The following RERE variants were observed in gnomAD, a reference collection of about 807,000 sequenced individuals.
The protein encoded by RERE is arginine-glutamic acid dipeptide repeats.
RERE carries 40 observed loss-of-function variants against 146.1 expected under a neutral mutation model. The observed-to-expected ratio is 0.27, with a 90% confidence interval of 0.21 to 0.36. The LOEUF is 0.36. RERE is among the 10% of genes least tolerant of loss of function. The probability of loss-of-function intolerance (pLI) is 1.00; values close to 1 mark genes in which losing one functional copy is unlikely to be tolerated. For missense variants in RERE, 1,933 were observed against 2,138.7 expected (o/e 0.90, Z 1.90); for synonymous variants, 1,003 against 866.0 (o/e 1.16, Z -2.78).
intron 6 of RERE, among the ~76,000 whole-genome samples, chr1:8,552,841 T>C (rs537126180): frequency 3.2e-4 from 49 of 151,848 alleles, no homozygotes; most frequent in South Asian, 1.2e-3. Flanking sequence ...GGGAAGTGCG[T>C]CCACACACAC....
intron 4 of RERE, among the ~76,000 whole-genome samples, chr1:8,578,136 G>A (rs1432988648): frequency 6.6e-6 from 1 of 151,880 alleles, no homozygotes; most frequent in Non-Finnish European, 1.5e-5. Context: ...TCATTAATAA[G>A]GTGTAACTGA....
At chr1:8,545,980 G>GTTTTTTT (rs1480930167) in intron 6 of RERE, among the ~76,000 whole-genome samples, 2 of 75,374 alleles carry the variant, frequency 2.7e-5, no homozygotes, top group Non-Finnish European at 4.9e-5. Flanking sequence ...ACCATACCCA[G>GTTTTTTT]TCTTTTTTTT....
At chr1:8,702,842 T>G (rs780214225) in intron 1 of RERE, among the ~76,000 whole-genome samples, 3 of 152,170 alleles carry the variant, frequency 2.0e-5, no homozygotes. Context: ...ACTTAAAAAC[T>G]AGTGAGCCCA....
In RERE at chr1:8,352,792, G is replaced by A. The variant is rs534461385; in HGVS notation, c.*2295C>T. 1.3e-5 allele frequency: 2 copies of A among 152,400 alleles called. No homozygotes were observed. Among genetic ancestry groups the A allele is most frequent in the Non-Finnish European group, 2.9e-5 (2 of 68,034 alleles). 9.4% of individuals were successfully genotyped at this position (152,400 alleles called of 1,614,324 possible). ...TTATCTGGTGAGGGTTTCGGGTCGA[G>A]GGTTTTTTAGATGGAAGAATCTCAG... On this transcript the variant is annotated 3_prime_UTR_variant, in exon 23 of 23. Coordinates refer to ENST00000400908, the MANE Select transcript of RERE (RefSeq NM_001042681.2).
At chr1:8,488,825 A>G (rs1208039979) in intron 10 of RERE, among the ~76,000 whole-genome samples, 2 of 152,206 alleles carry the variant, frequency 1.3e-5, no homozygotes, top group African/African-American at 2.4e-5. Flanking sequence ...TCCAACCAAT[A>G]TTGTTCAAAC....
intron 1 of RERE, among the ~76,000 whole-genome samples, chr1:8,806,314 C>T (rs1421847945): frequency 1.3e-5 from 2 of 152,122 alleles, no homozygotes; most frequent in Non-Finnish European, 2.9e-5. Context: ...GGCAGATCAC[C>T]GGAGGTCAGG....
intron 10 of RERE, among the ~76,000 whole-genome samples, chr1:8,482,681 CAAAAAAAAAAAAA>C (rs35501735): frequency 0.025 from 1,256 of 51,262 alleles, 25 homozygotes; most frequent in African/African-American, 0.06. Flanking sequence ...GATTCTGTTG[CAAAAAAAAAAAAA>C]AAAAAAAAAA....
intron 12 of RERE, among the ~76,000 whole-genome samples, chr1:8,413,252 C>A (rs1044559707): frequency 1.3e-5 from 2 of 152,148 alleles, no homozygotes; most frequent in African/African-American, 4.8e-5. Flanking sequence ...TACATATATG[C>A]ATTCATGCAC....
chr1:8,676,232 C>G (rs752697061), intron 1 of RERE, among the ~76,000 whole-genome samples: 2 of 152,134 alleles, frequency 1.3e-5, no homozygotes, highest in African/African-American at 2.4e-5. Context: ...ACAAATCTTA[C>G]AATTTAACTG....
chr1:8,448,573 A>G (rs140049163), intron 11 of RERE, among the ~76,000 whole-genome samples: 2 of 152,202 alleles, frequency 1.3e-5, no homozygotes, highest in Non-Finnish European at 2.9e-5. Flanking sequence ...CCTGGCCAAC[A>G]TGGTGAAACT....
intron 12 of RERE, among the ~76,000 whole-genome samples, chr1:8,403,803 A>G (rs1261587965): frequency 1.6e-5 from 1 of 62,458 alleles, no homozygotes; most frequent in East Asian, 4.6e-4. Flanking sequence ...TTCTTTTTCT[A>G]TTTTTCTTAA....
chr1:8,503,613 A>C (rs1489525858), intron 8 of RERE, among the ~76,000 whole-genome samples: 1 of 152,218 alleles, frequency 6.6e-6, no homozygotes, highest in Admixed American at 6.5e-5. Context: ...CTGTTAAAAG[A>C]AAGGTAGCAA....
At chr1:8,739,301 C>T (rs957053850) in intron 1 of RERE, among the ~76,000 whole-genome samples, 5 of 152,180 alleles carry the variant, frequency 3.3e-5, no homozygotes, top group African/African-American at 1.2e-4. Flanking sequence ...CTGGAGGGGG[C>T]TCATACCTGA....
intron 4 of RERE, among the ~76,000 whole-genome samples, chr1:8,577,585 T>C (rs933341470): frequency 1.3e-5 from 2 of 152,216 alleles, no homozygotes; most frequent in Non-Finnish European, 1.5e-5. Flanking sequence ...CCCATACTCA[T>C]CATGCTGACA....
intron 2 of RERE, among the ~76,000 whole-genome samples, chr1:8,650,118 T>C (rs1048379428): frequency 6.6e-6 from 1 of 151,928 alleles, no homozygotes; most frequent in Admixed American, 6.6e-5. Context: ...AAGGACAAAA[T>C]TAAGGTAATC....
At chr1:8,486,729 C>T (rs1488179796) in intron 10 of RERE, among the ~76,000 whole-genome samples, 5 of 137,324 alleles carry the variant, frequency 3.6e-5, no homozygotes, top group Non-Finnish European at 7.7e-5. Flanking sequence ...AACAAATTAC[C>T]AGCCTTGGCA....
At chr1:8,437,275 T>C (rs543453078) in intron 11 of RERE, among the ~76,000 whole-genome samples, 1 of 152,154 alleles carries the variant, frequency 6.6e-6, no homozygotes, top group Admixed American at 6.5e-5. Flanking sequence ...ACTGGGTTCC[T>C]CATTTGACTC....
chr1:8,480,796 G>T (rs1158098306), intron 10 of RERE, among the ~76,000 whole-genome samples: 1 of 152,124 alleles, frequency 6.6e-6, no homozygotes, highest in African/African-American at 2.4e-5. Flanking sequence ...TGAAGACATT[G>T]TGTTATTAAT....
At chr1:8,692,708 A>G (rs984286942) in intron 1 of RERE, among the ~76,000 whole-genome samples, 4 of 152,252 alleles carry the variant, frequency 2.6e-5, no homozygotes, top group South Asian at 4.2e-4. Context: ...TATAAACGCT[A>G]TATTTTTTAA....
Sources: gnomAD v4.1 joint callset for allele counts (sites outside exome capture counted in the v4.1 genomes callset) on GRCh38, gnomAD v4.1.1 for gene constraint, MANE v1.5 for transcripts, NCBI Gene and HGNC (gene_info 2026-07-23, HGNC 2026-07-21) for gene names.